Variants in SDK1 observed in about 807,000 individuals in gnomAD.
SDK1 encodes protein sidekick-1.
SDK1 carries 157 observed loss-of-function variants against 245.5 expected under a neutral mutation model. The observed-to-expected ratio is 0.64, with a 90% CI of 0.56 to 0.73. The LOEUF (loss-of-function observed/expected upper bound fraction) is 0.73, where lower values mean the gene tolerates loss of function less well. Among genes scored for constraint, SDK1 ranks in the 30% least tolerant of loss-of-function variants. The pLI is 0.00. For missense variants in SDK1, 3,583 were observed against 3,002.3 expected (o/e 1.19, Z -4.52); for synonymous variants, 1,647 against 1,278.5 (o/e 1.29, Z -6.15).
chr7:3,403,294 A>C (rs1778940538), intron 1 of SDK1, among the ~76,000 whole-genome samples: 1 of 152,066 alleles, frequency 6.6e-6, no homozygotes, highest in Admixed American at 6.6e-5. Flanking sequence ...TGTAATTTAA[A>C]ATTTTGTAAT....
intron 5 of SDK1, among the ~76,000 whole-genome samples, chr7:3,888,383 A>G (rs1781384437): frequency 6.6e-6 from 1 of 152,224 alleles, no homozygotes; most frequent in Non-Finnish European, 1.5e-5. Flanking sequence ...TGCGGAGAGC[A>G]AAGCAGGACA....
chr7:4,012,692 G>C (rs141019721), intron 16 of SDK1, among the ~76,000 whole-genome samples: 3,057 of 149,710 alleles, frequency 0.02, 113 homozygotes, highest in African/African-American at 0.069. Context: ...TCCTGCCTCA[G>C]CCTCCCGAGT....
chr7:3,401,524 T>C (rs1316657781), intron 1 of SDK1, among the ~76,000 whole-genome samples: 4 of 152,116 alleles, frequency 2.6e-5, no homozygotes, highest in Non-Finnish European at 5.9e-5. Context: ...TATGGTTTGC[T>C]GGGGGAAAAT....
chr7:3,672,607 TATATA>T (rs1406127656), intron 4 of SDK1, among the ~76,000 whole-genome samples: 1 of 141,514 alleles, frequency 7.1e-6, no homozygotes, highest in Non-Finnish European at 1.5e-5. Flanking sequence ...TATATATATT[TATATA>T]ATATAATATA....
intron 25 of SDK1, among the ~76,000 whole-genome samples, chr7:4,115,353 G>T (rs993166791): frequency 6.6e-6 from 1 of 152,164 alleles, no homozygotes; most frequent in African/African-American, 2.4e-5. Flanking sequence ...TCCAGACATG[G>T]GATGAGGAGG....
chr7:3,318,828 G>A (rs1779725796), intron 1 of SDK1, among the ~76,000 whole-genome samples: 1 of 152,204 alleles, frequency 6.6e-6, no homozygotes, highest in South Asian at 2.1e-4. Flanking sequence ...TGATGCTCCA[G>A]AGTGAATTTA....
intron 28 of SDK1, among the ~76,000 whole-genome samples, chr7:4,140,790 G>A (rs1177847174): frequency 6.6e-6 from 1 of 152,144 alleles, no homozygotes; most frequent in East Asian, 1.9e-4. Flanking sequence ...CTAATAAGCT[G>A]TGTCTCCATT....
intron 1 of SDK1, among the ~76,000 whole-genome samples, chr7:3,426,219 G>A (rs561942649): frequency 2.0e-5 from 3 of 152,300 alleles, no homozygotes; most frequent in South Asian, 4.1e-4. Flanking sequence ...TAGTGCAGTC[G>A]TGTAGTACTG....
chr7:4,158,709 C>A (rs959864373), intron 31 of SDK1, among the ~76,000 whole-genome samples, 158 bp downstream of exon 31: 2 of 152,336 alleles, frequency 1.3e-5, no homozygotes, highest in Non-Finnish European at 2.9e-5. Flanking sequence ...GGTTTCCGCA[C>A]AGCCTGTGGT....
intron 1 of SDK1, among the ~76,000 whole-genome samples, chr7:3,597,933 T>G (rs1781120108): frequency 6.6e-6 from 1 of 152,198 alleles, no homozygotes. Flanking sequence ...TGTATGCTTT[T>G]TTTCCTCTTG....
intron 1 of SDK1, among the ~76,000 whole-genome samples, chr7:3,363,559 C>G (rs1485137891): frequency 6.6e-6 from 1 of 152,056 alleles, no homozygotes; most frequent in African/African-American, 2.4e-5. Context: ...GCACCAGGGA[C>G]CGGTTTCTTC....
At chr7:3,854,522 C>T (rs1239191721) in intron 5 of SDK1, among the ~76,000 whole-genome samples, 2 of 152,090 alleles carry the variant, frequency 1.3e-5, no homozygotes, top group African/African-American at 2.4e-5. Flanking sequence ...AGTATAGGGT[C>T]ACAGAGCAAC....
chr7:3,433,327 T>G (rs1345313952), intron 1 of SDK1, among the ~76,000 whole-genome samples: 2 of 152,224 alleles, frequency 1.3e-5, no homozygotes, highest in East Asian at 3.8e-4. Flanking sequence ...TTAGTTGATA[T>G]TTGGTTTAGT....
At chr7:3,321,761 C>CCCTTCCTT (rs1281443297) in intron 1 of SDK1, among the ~76,000 whole-genome samples, 1 of 85,626 alleles carries the variant, frequency 1.2e-5, no homozygotes, top group Non-Finnish European at 2.1e-5. Flanking sequence ...TCCCCTCCCT[C>CCCTTCCTT]CCTTCCTTCC....
chr7:4,039,841 G>A (rs1788482749), intron 17 of SDK1, among the ~76,000 whole-genome samples: 1 of 152,086 alleles, frequency 6.6e-6, no homozygotes, highest in African/African-American at 2.4e-5. Context: ...GGGGGTGGGG[G>A]AGAAGAAAAT....
At chr7:3,666,493 C>G (rs930445885) in intron 4 of SDK1, among the ~76,000 whole-genome samples, 9 of 152,184 alleles carry the variant, frequency 5.9e-5, no homozygotes, top group African/African-American at 1.4e-4. Flanking sequence ...GCTGCCGACA[C>G]ACAGCAGGTT....
intron 1 of SDK1, among the ~76,000 whole-genome samples, chr7:3,358,682 T>C (rs1178738823): frequency 1.3e-5 from 2 of 152,204 alleles, no homozygotes; most frequent in African/African-American, 2.4e-5. Context: ...GCTTTGAGCA[T>C]TGATACTGAT....
intron 1 of SDK1, among the ~76,000 whole-genome samples, chr7:3,520,971 G>A (rs1476370331): frequency 1.3e-5 from 2 of 152,148 alleles, no homozygotes; most frequent in Non-Finnish European, 2.9e-5. Flanking sequence ...CTAAGCCTCT[G>A]CCCTCTCACA....
At chr7:3,539,282 T>C in intron 1 of SDK1, among the ~76,000 whole-genome samples, 1 of 152,122 alleles carries the variant, frequency 6.6e-6, no homozygotes, top group East Asian at 1.9e-4. Flanking sequence ...AGCAATTCCT[T>C]CAAAACTAGA....
Sources: allele counts gnomAD v4.1 joint callset (sites outside exome capture counted in the v4.1 genomes callset), GRCh38; gene constraint gnomAD v4.1.1; transcripts MANE v1.5; gene names NCBI Gene and HGNC (gene_info 2026-07-23, HGNC 2026-07-21).